The following DNAL4 variants were observed in gnomAD, a reference collection of about 807,000 sequenced individuals.
DNAL4 encodes the protein dynein axonemal light chain 4, also known as dynein light chain, outer arm 4.
A neutral mutation model predicts 12.6 loss-of-function variants in DNAL4; 10 were observed. The ratio of observed to expected loss-of-function variants is 0.79; its 90% CI spans 0.49 to 1.34. The LOEUF (loss-of-function observed/expected upper bound fraction) is 1.34. Among genes scored for constraint, DNAL4 ranks in the 40% most tolerant of loss-of-function variants. DNAL4 has a pLI of 0.00. For synonymous variants in DNAL4, 46 were observed against 53.1 expected (o/e 0.87, Z 0.58); for missense variants, 128 against 138.1 (o/e 0.93, Z 0.37).
At chr22:38,786,378 G>A (rs770894926) in intron 1 of DNAL4, among the ~76,000 whole-genome samples, 2 of 152,170 alleles carry the variant, frequency 1.3e-5, no homozygotes, top group Non-Finnish European at 2.9e-5. Context: ...GGCCAACAGG[G>A]TAAAACCCTG....
At chr22:38,791,318 G>A (rs370097599) in intron 1 of DNAL4, among the ~76,000 whole-genome samples, 3 of 151,988 alleles carry the variant, frequency 2.0e-5, no homozygotes, top group South Asian at 2.1e-4. Flanking sequence ...GGACATTACT[G>A]GACACCACTA....
rs181107303 is a variant in DNAL4 at position 38,791,467 on chromosome 22, C to T, written c.-140+2601G>A. 4.3e-3 allele frequency among the ~76,000 whole-genome samples: 657 copies of T among 152,094 alleles called. 4 individuals are homozygous for T. Among genetic ancestry groups the T allele is most frequent in the African/African-American group, 0.015 (622 of 41,500 alleles). On this transcript the variant is annotated intron_variant, in intron 1 of 3. Transcript: ENST00000216068. ...CGCCTGGGTTCAAGCGATTCTCCTG[C>T]CTCAGCCTCCTGAGTAGCTGGGATT...
At chr22:38,790,636 G>A (rs941147625) in intron 1 of DNAL4, among the ~76,000 whole-genome samples, 1 of 152,096 alleles carries the variant, frequency 6.6e-6, no homozygotes, top group African/African-American at 2.4e-5. Flanking sequence ...TCCAACTATC[G>A]CATCAACACA....
intron 1 of DNAL4, among the ~76,000 whole-genome samples, chr22:38,793,771 G>A (rs940830027): frequency 6.6e-6 from 1 of 152,178 alleles, no homozygotes; most frequent in Non-Finnish European, 1.5e-5. Flanking sequence ...CAAGGTGCTG[G>A]GGGAAGTCGG....
In DNAL4 at chr22:38,794,101, C is replaced by T. The variant is rs2093055123; in HGVS notation, c.-173G>A. On this transcript the variant is annotated 5_prime_UTR_variant, in exon 1 of 4. Transcript: ENST00000216068. ...GCGGGGGCCGGAGCCGGGGCCGCAG[C>T]CAGCGAACCCCCGCCAGGGTTGTCA... is the stretch of plus-strand genomic sequence containing the variant. 1 of 152,214 alleles carries T rather than the reference C, an allele frequency of 6.6e-6. No homozygotes were observed. Among genetic ancestry groups the T allele is most frequent in the African/African-American group, 2.4e-5 (1 of 41,456 alleles). The allele number at this position is 152,214 out of a possible 1,614,324, so 9.4% of individuals were successfully genotyped here.
At position 38,782,776 on chromosome 22, in the gene DNAL4, G is replaced by A. The variant is rs1435983577; in HGVS notation, c.-45C>T. On this transcript the variant is annotated 5_prime_UTR_variant, in exon 2 of 4. Coordinates refer to ENST00000216068, the MANE Select transcript of DNAL4 (RefSeq NM_005740.3). This position sits in a 1 kb window ranked among gnomAD's most constrained non-coding sequence, Gnocchi z 5.1. Reference sequence around the variant, plus strand: ...CTGGAGGAGAGTGGGGCTTTCAGGAGGTGCTGGGACTGGCAGTTAAGACAC... The same window carrying A: ...CTGGAGGAGAGTGGGGCTTTCAGGAAGTGCTGGGACTGGCAGTTAAGACAC... 6.3e-7 allele frequency: 1 copy of A among 1,578,722 alleles called. No individual in the cohort carries two copies. The highest frequency in any genetic ancestry group is 8.6e-7 in the Non-Finnish European group (1 of 1,162,648).
At chr22:38,783,487 C>T (rs534636566) in intron 1 of DNAL4, among the ~76,000 whole-genome samples, 1 of 152,358 alleles carries the variant, frequency 6.6e-6, no homozygotes, top group African/African-American at 2.4e-5. Flanking sequence ...GTTCAGGTCA[C>T]CACTGACAGT....
At chr22:38,787,215 TTTC>T (rs2093043643) in intron 1 of DNAL4, among the ~76,000 whole-genome samples, 1 of 151,892 alleles carries the variant, frequency 6.6e-6, no homozygotes, top group Admixed American at 6.6e-5. Flanking sequence ...AAGCCTCAGT[TTTC>T]TTTTCTTTTC....
chr22:38,783,286 A>ACACC, intron 1 of DNAL4, among the ~76,000 whole-genome samples: 1 of 141,688 alleles, frequency 7.1e-6, no homozygotes, highest in African/African-American at 2.7e-5. Flanking sequence ...CACTACATAC[A>ACACC]CGGGCCTTCC....
chr22:38,785,395 G>T (rs576356268), intron 1 of DNAL4: 3 of 152,196 alleles, frequency 2.0e-5, no homozygotes, highest in Non-Finnish European at 4.4e-5. Flanking sequence ...CCACTGAGAT[G>T]TTTCCATTTG....
At position 38,783,412 on chromosome 22, in the gene DNAL4, C is replaced by T. The variant is rs992501925; in HGVS notation, c.-139-542G>A. ...CGGGCCTTCCCTCCCACTACACACACGGGCCTTCCCTCCTGCTACACACAT... is the reference window on the plus strand; with the variant it reads ...CGGGCCTTCCCTCCCACTACACACATGGGCCTTCCCTCCTGCTACACACAT... On this transcript the variant is annotated intron_variant, in intron 1 of 3. Transcript: ENST00000216068. Among the ~76,000 whole-genome samples the T allele has an allele frequency of 2.3e-3, 336 of 144,222 alleles. 4 individuals carry two copies. Among genetic ancestry groups the T allele is most frequent in the African/African-American group, 7.6e-3 (310 of 40,664 alleles). 94.6% of individuals were successfully genotyped at this position (144,222 alleles called of 152,430 possible).
chr22:38,785,368 A>G (rs1325958291), intron 1 of DNAL4: 2 of 152,220 alleles, frequency 1.3e-5, no homozygotes, highest in African/African-American at 4.8e-5. Context: ...ATGTGGAAGC[A>G]GCTTCTTAGG....
At chr22:38,787,581 A>C (rs2093044439) in intron 1 of DNAL4, among the ~76,000 whole-genome samples, 8 of 152,164 alleles carry the variant, frequency 5.3e-5, no homozygotes, top group Admixed American at 4.6e-4. Context: ...CTAAGGACTC[A>C]GCTCCTGTTA....
At chr22:38,789,405 G>T (rs1208986760) in intron 1 of DNAL4, among the ~76,000 whole-genome samples, 1 of 152,046 alleles carries the variant, frequency 6.6e-6, no homozygotes, top group Non-Finnish European at 1.5e-5. Flanking sequence ...ACACTCAGTG[G>T]TGGCACACTA....
intron 2 of DNAL4, 127 bp from the exon 3 acceptor site, chr22:38,781,136 A>G: frequency 1.0e-6 from 1 of 982,370 alleles, no homozygotes; most frequent in Non-Finnish European, 1.5e-6. Context: ...AGCCCTGGGC[A>G]GGTGACCCAT....
chr22:38,791,713 T>A (rs2093050866), intron 1 of DNAL4, among the ~76,000 whole-genome samples: 2 of 150,706 alleles, frequency 1.3e-5, no homozygotes, highest in African/African-American at 4.9e-5. Flanking sequence ...ATTTTTTAGA[T>A]GGAGTCTCAC....
At chr22:38,780,705 C>T (rs2093032936) in intron 3 of DNAL4, 1 of 537,316 alleles carries the variant, frequency 1.9e-6, no homozygotes. Context: ...TCATGGAGAC[C>T]CCTGTGGCTT....
intron 1 of DNAL4, among the ~76,000 whole-genome samples, chr22:38,791,846 A>C (rs1276817347): frequency 2.0e-5 from 3 of 148,214 alleles, no homozygotes; most frequent in Non-Finnish European, 4.4e-5. Flanking sequence ...GCCTGCCACC[A>C]TGCCTGGCTA....
At chr22:38,783,897 T>C (rs2093038286) in intron 1 of DNAL4, among the ~76,000 whole-genome samples, 1 of 152,116 alleles carries the variant, frequency 6.6e-6, no homozygotes, top group Non-Finnish European at 1.5e-5. Context: ...CCGAGATGAC[T>C]GGCAGCACTC....
Sources: allele counts gnomAD v4.1 joint callset (sites outside exome capture counted in the v4.1 genomes callset), GRCh38; gene constraint gnomAD v4.1.1; non-coding constraint Gnocchi (gnomAD v3.1); transcripts MANE v1.5; gene names NCBI Gene and HGNC (gene_info 2026-07-23, HGNC 2026-07-21).